The following MICU3 variants were observed in gnomAD, a reference collection of about 807,000 sequenced individuals.
The protein encoded by MICU3 is calcium uptake protein 3, mitochondrial.
In MICU3, 62 loss-of-function variants were observed where a neutral mutation model predicts 66.5. The observed-to-expected ratio is 0.93, with a 90% CI of 0.76 to 1.15. MICU3 has a LOEUF of 1.15. Ranked by LOEUF, MICU3 falls within the 50% of genes most tolerant of loss-of-function variation. The pLI is 0.00. For synonymous variants in MICU3, 308 were observed against 240.7 expected, an observed-to-expected ratio of 1.28 and a Z score of -2.59; for missense variants, 779 against 664.4, an observed-to-expected ratio of 1.17 and a Z score of -1.90.
At chr8:17,045,298 C>G (rs558798060) in intron 1 of MICU3, among the ~76,000 whole-genome samples, 1 of 152,140 alleles carries the variant, frequency 6.6e-6, no homozygotes, top group African/African-American at 2.4e-5. Context: ...CTGCCCACAG[C>G]AGGACTCTAA....
chr8:17,092,648 A>G (rs980850398), intron 8 of MICU3, among the ~76,000 whole-genome samples: 4 of 152,074 alleles, frequency 2.6e-5, no homozygotes, highest in Non-Finnish European at 4.4e-5. Context: ...TAAATTTCCT[A>G]TAATAGAAAA....
intron 5 of MICU3, among the ~76,000 whole-genome samples, chr8:17,083,451 C>T (rs12543283): frequency 0.1 from 15,563 of 152,022 alleles, 887 homozygotes; most frequent in South Asian, 0.24. Context: ...AGGTTTGTTA[C>T]GGGAAAGAGC....
chr8:17,085,207 G>A (rs757828444), intron 5 of MICU3, 29 bp from the exon 6 acceptor site: 38 of 1,508,576 alleles, frequency 2.5e-5, no homozygotes, highest in Non-Finnish European at 3.4e-5. Context: ...TTTCCATTTT[G>A]TGAATACCTT....
intron 6 of MICU3, among the ~76,000 whole-genome samples, chr8:17,086,590 CT>C (rs553229120): frequency 6.6e-5 from 10 of 152,076 alleles, no homozygotes; most frequent in Non-Finnish European, 1.2e-4. Context: ...ATTTTAGGAA[CT>C]TTCAGAATGG....
At chr8:17,098,675 C>T (rs146809838) in intron 9 of MICU3, 122 bp downstream of exon 9, 10 of 672,908 alleles carry the variant, frequency 1.5e-5, no homozygotes, top group African/African-American at 7.2e-5. Flanking sequence ...TGTTTTAGTA[C>T]AGCAAAAATT....
intron 3 of MICU3, among the ~76,000 whole-genome samples, chr8:17,077,278 G>A (rs772016517): frequency 1.3e-5 from 2 of 152,110 alleles, no homozygotes. Flanking sequence ...GTCACTAACC[G>A]TTAAAATACT....
At chr8:17,130,473 C>T in the MICU3 span, among the ~76,000 whole-genome samples, 21 of 151,248 alleles carry the variant, frequency 1.4e-4, no homozygotes, top group Non-Finnish European at 2.5e-4. Flanking sequence ...GAGCCGAGAT[C>T]GCACCATTGC....
Position 17,027,619 on chromosome 8 carries a change from C to G in MICU3, c.340C>G (p.Arg114Gly). The change falls in exon 1 of 15, where the codon CGG becomes GGG. Residue 114 changes from arginine (R) to glycine (G), a missense_variant. By Grantham distance (125) the Arg-to-Gly change is moderately radical. Coordinates refer to ENST00000318063, the MANE Select transcript of MICU3 (RefSeq NM_181723.3). Reference protein sequence around the residue: ...ATEPEDPPRGRGMLPIPVAAA... With the variant: ...ATEPEDPPRGGGMLPIPVAAA... The stretch of plus-strand genomic sequence containing the variant: ...GGAGCCCGAGGACCCGCCCCGCGGC[C>G]GGGGGATGCTGCCCATCCCAGTGGC... 7.6e-7 allele frequency: 1 copy of G among 1,309,470 alleles called. No homozygotes were observed. The highest frequency in any genetic ancestry group is 9.7e-7 in the Non-Finnish European group (1 of 1,033,424). The allele number at this position is 1,309,470 out of a possible 1,614,324, so 81.1% of individuals were successfully genotyped here.
chr8:17,058,694 G>A lies in MICU3; in HGVS notation c.382-5390G>A, dbSNP rs567658827. Among the ~76,000 whole-genome samples, 70 of 152,280 alleles carry A rather than the reference G, an allele frequency of 4.6e-4. 1 individual carries two copies. The highest frequency in any genetic ancestry group is 1.7e-3 in the African/African-American group (70 of 41,566). On this transcript the variant is annotated intron_variant, in intron 1 of 14. Transcript: ENST00000318063. ...CTGGCCAGCTGCCGCCTCTTTCTCA[G>A]AGTTTCCAGTAGATCGAGTATACTC... is the stretch of plus-strand genomic sequence containing the variant.
chr8:17,090,844 T>A (rs1359980003), intron 8 of MICU3, among the ~76,000 whole-genome samples: 1 of 152,092 alleles, frequency 6.6e-6, no homozygotes, highest in Non-Finnish European at 1.5e-5. Flanking sequence ...AATTAAAACA[T>A]AATAATTGAA....
intron 14 of MICU3, among the ~76,000 whole-genome samples, chr8:17,119,375 T>C (rs1265924572): frequency 6.6e-6 from 1 of 152,166 alleles, no homozygotes; most frequent in African/African-American, 2.4e-5. Context: ...TTTGTTTTTT[T>C]CTTTTTTCTT....
intron 1 of MICU3, among the ~76,000 whole-genome samples, chr8:17,039,895 C>CTTTTTTTTTTTTTTTTTTTTTTTTTT (rs35133600): frequency 1.6e-5 from 1 of 62,492 alleles, no homozygotes; most frequent in Non-Finnish European, 2.7e-5. Flanking sequence ...ATCTTGCATT[C>CTTTTTTTTTTTTTTTTTTTTTTTTTT]TTTTTTTTTT....
chr8:17,068,793 A>T (rs899558535), intron 2 of MICU3, among the ~76,000 whole-genome samples: 3 of 152,196 alleles, frequency 2.0e-5, no homozygotes, highest in African/African-American at 7.2e-5. Context: ...ATTGTTAATT[A>T]TACAGAAATA....
chr8:17,136,604 G>A, the MICU3 span, among the ~76,000 whole-genome samples: 1 of 152,038 alleles, frequency 6.6e-6, no homozygotes, highest in Non-Finnish European at 1.5e-5. Flanking sequence ...AGGATTCTTG[G>A]CTACCCTCTG....
intron 9 of MICU3, among the ~76,000 whole-genome samples, chr8:17,102,198 C>T (rs932682578): frequency 3.3e-5 from 5 of 151,754 alleles, no homozygotes; most frequent in African/African-American, 1.2e-4. Flanking sequence ...TCCTTTCCTC[C>T]CACCCCATTC....
intron 1 of MICU3, among the ~76,000 whole-genome samples, chr8:17,055,298 A>G (rs1447591791): frequency 2.6e-5 from 4 of 152,164 alleles, no homozygotes; most frequent in African/African-American, 4.8e-5. Flanking sequence ...GTTACCTCCC[A>G]TGAGGCTTTT....
chr8:17,035,499 C>T (rs186380839), intron 1 of MICU3, among the ~76,000 whole-genome samples: 14 of 152,148 alleles, frequency 9.2e-5, no homozygotes, highest in East Asian at 3.9e-4. Context: ...CTAATGGAGA[C>T]GAGGAACTTG....
At chr8:17,099,114 T>C (rs945224978) in intron 9 of MICU3, among the ~76,000 whole-genome samples, 4 of 151,740 alleles carry the variant, frequency 2.6e-5, no homozygotes, top group African/African-American at 9.7e-5. Flanking sequence ...CAGATCTGCA[T>C]CGTACTGCTG....
intron 8 of MICU3, among the ~76,000 whole-genome samples, chr8:17,096,407 ATATTCTGAGAATG>A (rs1216827338): frequency 2.6e-5 from 4 of 151,870 alleles, no homozygotes; most frequent in Non-Finnish European, 4.4e-5. Context: ...ACTAGTTTGC[ATATTCTGAGAATG>A]TGCTCTTAAC....
Sources: gnomAD v4.1 joint callset for allele counts (sites outside exome capture counted in the v4.1 genomes callset) on GRCh38, gnomAD v4.1.1 for gene constraint, MANE v1.5 for transcripts, NCBI Gene and HGNC (gene_info 2026-07-23, HGNC 2026-07-21) for gene names.